DHRSX: variants seen among roughly 807,000 people sequenced by gnomAD.
DHRSX encodes the protein polyprenol dehydrogenase.
In DHRSX, 31 loss-of-function variants were observed where a neutral mutation model predicts 34.0. That is an observed-to-expected ratio of 0.91 (90% CI 0.69 to 1.23). The LOEUF is 1.23. DHRSX is among the 50% of genes most tolerant of loss of function. The probability of loss-of-function intolerance (pLI) is 0.00; values close to 1 mark genes in which losing one functional copy is unlikely to be tolerated. For missense variants in DHRSX, 414 were observed against 428.1 expected (o/e 0.97, Z 0.29); for synonymous variants, 201 against 183.8 (o/e 1.09, Z -0.76).
At chrX:2,488,955 T>C (rs1401682777) in intron 1 of DHRSX, 2 of 1,596,950 alleles carry the variant, frequency 1.3e-6, no homozygotes, top group South Asian at 1.1e-5. Context: ...GACCACCACT[T>C]GAGGGGGTCT....
At chrX:2,330,656 T>TGAAGGAGAA (rs375740769) in intron 3 of DHRSX, among the ~76,000 whole-genome samples, 2 of 119,436 alleles carry the variant, frequency 1.7e-5, no homozygotes, top group Non-Finnish European at 3.3e-5. Flanking sequence ...CGAAAGAAGA[T>TGAAGGAGAA]GAAGGAGAAG....
At chrX:2,353,686 C>T (rs1324763428) in intron 3 of DHRSX, among the ~76,000 whole-genome samples, 4 of 150,820 alleles carry the variant, frequency 2.7e-5, no homozygotes, top group Non-Finnish European at 5.9e-5. Context: ...CGGGTTCAAG[C>T]GATTCTCCTG....
chrX:2,384,942 GAA>G (rs927911658), intron 3 of DHRSX, among the ~76,000 whole-genome samples: 11 of 145,114 alleles, frequency 7.6e-5, no homozygotes, highest in East Asian at 6.3e-4. Context: ...AAAAAAAAAA[GAA>G]AAAAAAATAT....
intron 1 of DHRSX, chrX:2,490,129 G>A (rs772793518): frequency 1.1e-5 from 17 of 1,613,826 alleles, no homozygotes; most frequent in Non-Finnish European, 1.4e-5. Context: ...ACATGTCGGT[G>A]GAGATGCCAC....
intron 2 of DHRSX, among the ~76,000 whole-genome samples, chrX:2,419,170 G>A (rs183437846): frequency 5.2e-4 from 79 of 152,202 alleles, no homozygotes; most frequent in South Asian, 3.1e-3. Flanking sequence ...GTTGGGAGGC[G>A]GAGGCTTTGC....
intron 3 of DHRSX, among the ~76,000 whole-genome samples, chrX:2,345,709 C>G (rs1360182837): frequency 6.6e-6 from 1 of 150,474 alleles, no homozygotes; most frequent in Admixed American, 6.6e-5. Flanking sequence ...AGCAATTTGT[C>G]CTTCCTATGG....
At chrX:2,355,172 TAA>T (rs1242223152) in intron 3 of DHRSX, among the ~76,000 whole-genome samples, 1 of 151,936 alleles carries the variant, frequency 6.6e-6, no homozygotes, top group Non-Finnish European at 1.5e-5. Flanking sequence ...AGGTGGAACA[TAA>T]AAGAGATTTA....
chrX:2,283,910 TCAC>T (rs2041767120), intron 4 of DHRSX, among the ~76,000 whole-genome samples: 1 of 32,600 alleles, frequency 3.1e-5, no homozygotes, highest in Non-Finnish European at 7.5e-5. Flanking sequence ...TCCTTTGAAT[TCAC>T]TCATTCCTTT....
intron 1 of DHRSX, among the ~76,000 whole-genome samples, chrX:2,431,219 GA>G (rs1367814554): frequency 6.6e-6 from 1 of 151,450 alleles, no homozygotes; most frequent in Non-Finnish European, 1.5e-5. Context: ...CAGCTACTCG[GA>G]AGGCTGAGGC....
chrX:2,371,231 TC>T (rs201016908), intron 3 of DHRSX, among the ~76,000 whole-genome samples: 44,578 of 142,814 alleles, frequency 0.31, 8,517 homozygotes, highest in Non-Finnish European at 0.46. Flanking sequence ...CCGTAGTCCC[TC>T]CCCATTACCA....
chrX:2,232,114 C>T (rs2015908650), intron 6 of DHRSX, among the ~76,000 whole-genome samples: 1 of 150,248 alleles, frequency 6.7e-6, no homozygotes, highest in African/African-American at 2.4e-5. Flanking sequence ...CTCTCTCTCC[C>T]TTCCCTTCCT....
At chrX:2,235,437 A>C (rs1162389235) in intron 6 of DHRSX, among the ~76,000 whole-genome samples, 1 of 152,094 alleles carries the variant, frequency 6.6e-6, no homozygotes, top group Non-Finnish European at 1.5e-5. Flanking sequence ...TATAATAAAT[A>C]AGTGAATCAA....
chrX:2,325,103 A>G (rs911972747), intron 3 of DHRSX, among the ~76,000 whole-genome samples: 1 of 152,042 alleles, frequency 6.6e-6, no homozygotes, highest in African/African-American at 2.4e-5. Flanking sequence ...AGCAGCCCCA[A>G]GTCATTTTCT....
At chrX:2,459,534 G>A (rs2044368177) in intron 1 of DHRSX, among the ~76,000 whole-genome samples, 1 of 125,764 alleles carries the variant, frequency 8.0e-6, no homozygotes. Flanking sequence ...GAGAGAGAGA[G>A]AATGTGTGTC....
chrX:2,464,276 G>A (rs2044449176), intron 1 of DHRSX, among the ~76,000 whole-genome samples: 1 of 139,858 alleles, frequency 7.2e-6, no homozygotes, highest in Admixed American at 7.1e-5. Context: ...CATTGAAGAC[G>A]ATCCCTAAGC....
At position 2,362,839 on chromosome X, in the gene DHRSX, G is replaced by A. The variant is rs370263498; in HGVS notation, c.286+45906C>T. On this transcript the variant is annotated intron_variant, in intron 3 of 6. Transcript: ENST00000334651. ...GGTATCATGCCTCCATTTTATCACC[G>A]TTCTATGGTATCATGCCGCCATTTT... Among the ~76,000 whole-genome samples, 93 of 130,466 alleles carry A rather than the reference G, an allele frequency of 7.1e-4. 2 individuals are homozygous for A. Among genetic ancestry groups the A allele is most frequent in the African/African-American group, 2.4e-3 (80 of 32,768 alleles). 85.6% of individuals were successfully genotyped at this position (130,466 alleles called of 152,430 possible). A position where few individuals can be genotyped will look rare whatever the true frequency, so the allele number is the denominator to read the frequency against.
intron 1 of DHRSX, among the ~76,000 whole-genome samples, chrX:2,482,744 G>A (rs1256020279): frequency 3.3e-5 from 5 of 152,092 alleles, no homozygotes; most frequent in East Asian, 1.9e-4. Context: ...TATTTGATAC[G>A]TTCTCAGAGT....
chrX:2,314,445 GGGGA>G lies in DHRSX; in HGVS notation c.287-22846_287-22843del, dbSNP rs1331698765. 8.0e-4 allele frequency among the ~76,000 whole-genome samples: 95 copies of G among 119,028 alleles called. 9 individuals are homozygous for G. Among genetic ancestry groups the G allele is most frequent in the African/African-American group, 4.5e-3 (84 of 18,768 alleles). 78.1% of individuals were successfully genotyped at this position (119,028 alleles called of 152,430 possible). A position where few individuals can be genotyped will look rare whatever the true frequency, so the allele number is the denominator to read the frequency against. On this transcript the variant is annotated intron_variant, in intron 3 of 6. Coordinates refer to ENST00000334651, the MANE Select transcript of DHRSX (RefSeq NM_145177.3). ...AGGAAGGGGAGAAGGGAGGAAGGAA[GGGGA>G]GAAGGGAGGAAGGAAGGGGAGAAGG...
intron 2 of DHRSX, among the ~76,000 whole-genome samples, chrX:2,421,758 G>C (rs1428051575): frequency 6.6e-6 from 1 of 152,220 alleles, no homozygotes; most frequent in South Asian, 2.1e-4. Flanking sequence ...GATGGCCATC[G>C]AGGCTCAGAA....
Sources: gnomAD v4.1 joint callset for allele counts (sites outside exome capture counted in the v4.1 genomes callset) on GRCh38, gnomAD v4.1.1 for gene constraint, MANE v1.5 for transcripts, NCBI Gene and HGNC (gene_info 2026-07-23, HGNC 2026-07-21) for gene names.